ZNF479: variants seen among roughly 807,000 people sequenced by gnomAD.
The protein encoded by ZNF479 is KRAB zinc finger protein KR19.
ZNF479 carries 15 observed loss-of-function variants against 14.7 expected under a neutral mutation model. The observed-to-expected ratio is 1.02, with a 90% confidence interval of 0.68 to 1.57. ZNF479 has a LOEUF of 1.57. ZNF479 is among the 40% of genes most tolerant of loss of function. The pLI is 0.00. For synonymous variants in ZNF479, 145 were observed against 211.5 expected (o/e 0.69, Z 2.73); for missense variants, 506 against 615.1 (o/e 0.82, Z 1.88).
upstream of ZNF479, among the ~76,000 whole-genome samples, chr7:57,133,592 C>T (rs1000325107): frequency 3.3e-5 from 5 of 151,990 alleles, no homozygotes; most frequent in Non-Finnish European, 5.9e-5. Flanking sequence ...TGGAGCTGGG[C>T]GCAGTGGCTC....
intron 3 of ZNF479, among the ~76,000 whole-genome samples, chr7:57,124,014 G>T (rs2115865977): frequency 6.6e-6 from 1 of 152,098 alleles, no homozygotes; most frequent in African/African-American, 2.4e-5. Flanking sequence ...TTTCTCAAGG[G>T]CCAACATATT....
At position 57,120,417 on chromosome 7, in the gene ZNF479, G is replaced by T; in HGVS notation, c.998C>A (p.Ala333Asp). The T allele has an allele frequency of 1.2e-6, 2 of 1,612,448 alleles. No individual in the cohort carries two copies. The highest frequency in any genetic ancestry group is 2.2e-5 in the South Asian group (2 of 91,010). The change falls in exon 4 of 4, where the codon GCC (alanine) becomes GAC (aspartate). Residue 333 changes from alanine (A) to aspartate (D), a missense_variant. Around this residue, in one of 3 missense-constraint regions of ZNF479, gnomAD observed 420 missense variants for 474.2 expected, o/e 0.89. Coordinates refer to ENST00000319636, the MANE Select transcript of ZNF479 (RefSeq NM_001370129.2). ...AGTAAGGTTTGAGGACCAGCTAAAGGCTTTGCCACATTCCTCACACCTGCA... is the reference window on the plus strand; with the variant it reads ...AGTAAGGTTTGAGGACCAGCTAAAGTCTTTGCCACATTCCTCACACCTGCA... ...KPCRCEECGKAFSWSSNLTRH... is the reference protein window; with the variant it reads ...KPCRCEECGKDFSWSSNLTRH...
chr7:57,132,242 A>G (rs749064014), intron 1 of ZNF479, 44 bp downstream of exon 1: 1 of 1,613,976 alleles, frequency 6.2e-7, no homozygotes, highest in South Asian at 1.1e-5. Context: ...GCCGGTTCCA[A>G]TCAGCCCCCA....
Position 57,117,685 on chromosome 7 carries a change from T to A in ZNF479, c.*2155A>T, listed in dbSNP as rs565644062. On this transcript the variant is annotated 3_prime_UTR_variant, in exon 4 of 4. Transcript: ENST00000319636. The stretch of plus-strand genomic sequence containing the variant: ...AAGTTGACACATAATCTTTAAAAAA[T>A]TTTTAAATTTATTGCATTTTATTAC... Among the ~76,000 whole-genome samples the A allele has an allele frequency of 6.9e-4, 105 of 152,370 alleles. No homozygotes were observed. Among genetic ancestry groups the A allele is most frequent in the African/African-American group, 2.4e-3 (99 of 41,586 alleles).
At chr7:57,128,086 C>A (rs1304312298) in intron 1 of ZNF479, among the ~76,000 whole-genome samples, 1 of 151,864 alleles carries the variant, frequency 6.6e-6, no homozygotes, top group Non-Finnish European at 1.5e-5. Context: ...CAGGTGCATG[C>A]ACCATGCCTG....
intron 1 of ZNF479, among the ~76,000 whole-genome samples, chr7:57,137,579 G>C (rs1786704983): frequency 6.6e-6 from 1 of 152,226 alleles, no homozygotes; most frequent in Non-Finnish European, 1.5e-5. Context: ...AGGAAGTATT[G>C]ACTCTGATCC....
At chr7:57,129,509 C>A (rs1422413429) in intron 1 of ZNF479, among the ~76,000 whole-genome samples, 1 of 151,138 alleles carries the variant, frequency 6.6e-6, no homozygotes, top group Non-Finnish European at 1.5e-5. Context: ...CCAATTTCCA[C>A]CCTGAAATGC....
At chr7:57,121,762 A>G (rs1464597841) in intron 3 of ZNF479, among the ~76,000 whole-genome samples, 2 of 152,166 alleles carry the variant, frequency 1.3e-5, no homozygotes, top group African/African-American at 4.8e-5. Context: ...CTAAATCTCA[A>G]ACAAAGATTA....
At chr7:57,136,452 T>C (rs1786658891), upstream of ZNF479, among the ~76,000 whole-genome samples, 1 of 151,736 alleles carries the variant, frequency 6.6e-6, no homozygotes, top group Admixed American at 6.6e-5. Flanking sequence ...AGCAAGAAAA[T>C]AATGGATGAA....
upstream of ZNF479, among the ~76,000 whole-genome samples, chr7:57,132,801 T>C (rs1786495098): frequency 1.3e-5 from 2 of 152,224 alleles, no homozygotes; most frequent in Admixed American, 1.3e-4. Flanking sequence ...TCCTTTGCAG[T>C]GACATGGTGT....
Position 57,120,483 on chromosome 7 carries a change from G to A in ZNF479, c.932C>T (p.Thr311Ile), listed in dbSNP as rs782010478. 6 of 1,606,500 alleles carry A rather than the reference G, an allele frequency of 3.7e-6. No homozygotes were observed. Among genetic ancestry groups the A allele is most frequent in the Non-Finnish European group, 5.1e-6 (6 of 1,178,286 alleles). Residue 311 changes from threonine (T) to isoleucine (I), a missense_variant, in exon 4 of 4, where the codon ACC becomes ATC. By Grantham distance (89) the Thr-to-Ile change is moderately conservative. Transcript: ENST00000319636. ...ECGKAFSVSSTLTDHKRIHTG... is the reference protein window; with the variant it reads ...ECGKAFSVSSILTDHKRIHTG... The stretch of plus-strand genomic sequence containing the variant: ...ATGAATTCTCTTGTGGTCAGTGAGG[G>A]TTGAGGATACGCTAAAGGCTTTGCC...
chr7:57,126,495 G>A (rs1228191433), intron 2 of ZNF479, 97 bp downstream of exon 2: 3 of 1,136,508 alleles, frequency 2.6e-6, no homozygotes, highest in Non-Finnish European at 3.8e-6. Flanking sequence ...TAAAATTGGA[G>A]ATCTAAAATT....
chr7:57,133,588 T>C (rs1211229546), upstream of ZNF479, among the ~76,000 whole-genome samples: 1 of 152,068 alleles, frequency 6.6e-6, no homozygotes, highest in Non-Finnish European at 1.5e-5. Context: ...AAGGTGGAGC[T>C]GGGCGCAGTG....
upstream of ZNF479, among the ~76,000 whole-genome samples, chr7:57,137,115 G>T (rs1472243152): frequency 2.6e-5 from 4 of 152,230 alleles, no homozygotes; most frequent in East Asian, 7.7e-4. Flanking sequence ...AGTAGTAAGA[G>T]AATTAAATAA....
intron 1 of ZNF479, among the ~76,000 whole-genome samples, chr7:57,139,102 C>T (rs1786768085): frequency 6.6e-6 from 1 of 152,132 alleles, no homozygotes; most frequent in African/African-American, 2.4e-5. Context: ...CATATAAAAC[C>T]CTCAGGTGGT....
intron 2 of ZNF479, 107 bp from the exon 3 acceptor site, chr7:57,126,220 T>A: frequency 7.8e-7 from 1 of 1,278,672 alleles, no homozygotes; most frequent in Non-Finnish European, 1.1e-6. Flanking sequence ...AGATTAATAT[T>A]GATTCATAAT....
Position 57,120,282 on chromosome 7 carries a change from T to C in ZNF479, c.1133A>G (p.Glu378Gly). 6.2e-7 allele frequency: 1 copy of C among 1,610,420 alleles called. No individual in the cohort carries two copies. The highest frequency in any genetic ancestry group is 8.5e-7 in the Non-Finnish European group (1 of 1,177,750). Residue 378 changes from glutamate to glycine, a missense_variant, in exon 4 of 4, where the codon GAG (glutamate) becomes GGG (glycine). Transcript: ENST00000319636. The stretch of plus-strand genomic sequence containing the variant: ...ACATTCTTCACATGTGTAGGGTTTC[T>C]CTCCAGTATGAATTCTCCTATGTCT... ...LMRHRRIHTGEKPYTCEECGQ... is the reference protein window; with the variant it reads ...LMRHRRIHTGGKPYTCEECGQ...
rs1786181343 is a variant in ZNF479, at chr7:57,126,653, A to G, written c.105T>C (p.Cys35=). ...CATCTCTATATAAATTCCGCTGAGC[A>G]CAATCCAGGCATTGCCATTCCTCCA... ...FSLEEWQCLD[C]AQRNLYRDVM... is the part of the protein sequence containing the mutation. Residue 35 remains cysteine, a synonymous_variant, in exon 2 of 4, where the codon TGT becomes TGC. Transcript: ENST00000319636. 1.9e-6 allele frequency: 3 copies of G among 1,613,802 alleles called. No individual in the cohort carries two copies. In the African/African-American group the frequency reaches 4.0e-5, roughly 22 times the overall value.
chr7:57,125,025 C>T (rs530414001), intron 3 of ZNF479, among the ~76,000 whole-genome samples: 1 of 152,046 alleles, frequency 6.6e-6, no homozygotes, highest in Non-Finnish European at 1.5e-5. Context: ...GAGCTGAAAT[C>T]GCACCATTGC....
Sources: gnomAD v4.1 joint callset for allele counts (sites outside exome capture counted in the v4.1 genomes callset) on GRCh38, gnomAD v4.1.1 for gene constraint, gnomAD v4.1.1 regional missense constraint, MANE v1.5 for transcripts, NCBI Gene and HGNC (gene_info 2026-07-23, HGNC 2026-07-21) for gene names.